The following CHRNB4 variants were observed in gnomAD, a reference collection of about 807,000 sequenced individuals.
The protein encoded by CHRNB4 is neuronal acetylcholine receptor subunit beta-4.
A neutral mutation model predicts 40.4 loss-of-function variants in CHRNB4; 23 were observed. The ratio of observed to expected loss-of-function variants is 0.57; its 90% CI spans 0.41 to 0.81. The LOEUF (loss-of-function observed/expected upper bound fraction) is 0.81, where lower values mean the gene tolerates loss of function less well. CHRNB4 is among the 30% of genes least tolerant of loss of function. CHRNB4 has a pLI of 0.00. For missense variants in CHRNB4, 568 were observed against 670.6 expected (o/e 0.85, Z 1.69); for synonymous variants, 285 against 274.4 (o/e 1.04, Z -0.38).
Position 78,635,542 on chromosome 15 carries a change from A to G in CHRNB4, c.101T>C (p.Leu34Pro). Residue 34 changes from leucine to proline, a missense_variant, in exon 2 of 6, where the codon CTT (leucine) becomes CCT (proline). Transcript: ENST00000261751. ...GTTATTGTAACGGGTTTTGTTCAGA[A>G]GGTCGTCCATCAGCTTTTCCTCCGC... ...ANAEEKLMDD[L>P]LNKTRYNNLI... 6.2e-7 allele frequency: 1 copy of G among 1,614,148 alleles called. No homozygotes were observed. The highest frequency in any genetic ancestry group is 8.5e-7 in the Non-Finnish European group (1 of 1,180,022).
intron 5 of CHRNB4, chr15:78,655,444 ATATCTATATATATC>A (rs2054205747): frequency 7.7e-6 from 1 of 129,520 alleles, no homozygotes; most frequent in Non-Finnish European, 1.8e-5. Flanking sequence ...ATATATATCT[ATATCTATATATATC>A]TATATATCTA....
chr15:78,638,079 G>C (rs190259585), intron 1 of CHRNB4, among the ~76,000 whole-genome samples: 11 of 152,348 alleles, frequency 7.2e-5, no homozygotes, highest in African/African-American at 2.6e-4. Context: ...CAGCTCTGGG[G>C]TCAGAATCTG....
At chr15:78,661,286 G>A, upstream of CHRNB4, 3 of 599,390 alleles carry the variant, frequency 5.0e-6, no homozygotes, top group Non-Finnish European at 9.8e-6. Flanking sequence ...TGCGGCGGCA[G>A]CCCGGCTGGT....
At chr15:78,657,720 T>C (rs1417548649) in intron 2 of CHRNB4, among the ~76,000 whole-genome samples, 1 of 151,698 alleles carries the variant, frequency 6.6e-6, no homozygotes, top group African/African-American at 2.4e-5. Flanking sequence ...CGCCCGGCAA[T>C]TTTTTGTATT....
At position 78,625,190 on chromosome 15, in the gene CHRNB4, C is replaced by A. The variant is rs373085107; in HGVS notation, c.1440G>T (p.Pro480=). 1.9e-6 allele frequency: 3 copies of A among 1,610,456 alleles called. No homozygotes were observed. The African/African-American group carries it at 4.0e-5, about 22-fold the overall frequency. The change falls in exon 6 of 6, where the codon CCG becomes CCT. Residue 480 remains proline, a synonymous_variant. Transcript: ENST00000261751. ...CVLGTVGLFL[P]PLFQTHAASE... ...AAGCTGCATGGGTCTGGAAGAGGGG[C>A]GGTAGGAAGAGCCCCACAGTGCCCA...
chr15:78,630,038 T>G (rs1719600349), intron 4 of CHRNB4, 93 bp from the exon 5 acceptor site: 2 of 1,363,626 alleles, frequency 1.5e-6, no homozygotes, highest in East Asian at 4.9e-5. Context: ...TTGGGATTAT[T>G]TCCCACTAAT....
At chr15:78,640,833 C>G (rs547743725) in intron 1 of CHRNB4, among the ~76,000 whole-genome samples, 1 of 152,214 alleles carries the variant, frequency 6.6e-6, no homozygotes, top group Non-Finnish European at 1.5e-5. Flanking sequence ...GAGGGTGGCC[C>G]TGGCCCTGGC....
intron 2 of CHRNB4, chr15:78,634,659 T>C: frequency 2.2e-6 from 1 of 454,160 alleles, no homozygotes; most frequent in Non-Finnish European, 4.4e-6. Context: ...GTGGTCTCTT[T>C]CCCCTGGCTG....
At chr15:78,634,384 C>G (rs12440014) in intron 2 of CHRNB4, among the ~76,000 whole-genome samples, 41,156 of 152,196 alleles carry the variant, frequency 0.27, 6,230 homozygotes, top group East Asian at 0.45. Context: ...CACTCAGACA[C>G]CAGCCTGAGC....
At chr15:78,661,018 T>C (rs2054248094), upstream of CHRNB4, 8 of 529,276 alleles carry the variant, frequency 1.5e-5, no homozygotes, top group Middle Eastern at 6.4e-4. Flanking sequence ...AAAATCTTTT[T>C]AATAAGAGGG....
chr15:78,640,637 C>T (rs1290962027), intron 1 of CHRNB4, among the ~76,000 whole-genome samples: 1 of 152,236 alleles, frequency 6.6e-6, no homozygotes, highest in Admixed American at 6.5e-5. Context: ...CCTACACCGC[C>T]CAGGTGGCCG....
upstream of CHRNB4, chr15:78,660,833 T>C: frequency 3.2e-6 from 1 of 311,706 alleles, no homozygotes; most frequent in Non-Finnish European, 6.2e-6. Flanking sequence ...GGGTGGGTAA[T>C]TATCTCAGCG....
Position 78,629,422 on chromosome 15 carries a change from T to C in CHRNB4, c.883A>G (p.Ile295Val), listed in dbSNP as rs774360881. 1.2e-6 allele frequency: 2 copies of C among 1,614,026 alleles called. No homozygotes were observed. The highest frequency in any genetic ancestry group is 1.7e-6 in the Non-Finnish European group (2 of 1,180,004). ...VPPTSLDVPL[I>V]GKYLMFTMVL... ...ATGGTGAACATGAGGTACTTGCCGA[T>C]GAGAGGCACATCGAGGGAGGTGGGT... The change falls in exon 5 of 6, where the codon ATC becomes GTC. Residue 295 changes from isoleucine (I) to valine (V), a missense_variant. By Grantham distance (29) the Ile-to-Val change is conservative. Around this residue, in one of 4 missense-constraint regions of CHRNB4, gnomAD observed 38 missense variants for 80.3 expected, o/e 0.47. Coordinates refer to ENST00000261751, the MANE Select transcript of CHRNB4 (RefSeq NM_000750.5). The surrounding 1 kb of genome is among the most constrained non-coding windows in gnomAD (Gnocchi z 6.8).
chr15:78,641,200 C>T lies in CHRNB4; in HGVS notation c.-67G>A. ...GGGGTCACAGGGCACCCGTGAGCCG[C>T]GCGGTCGAGTGAGCGCCGGTCCTGG... On this transcript the variant is annotated 5_prime_UTR_variant, in exon 1 of 6. Coordinates refer to ENST00000261751, the MANE Select transcript of CHRNB4 (RefSeq NM_000750.5). The T allele has an allele frequency of 1.4e-6, 2 of 1,396,508 alleles. No homozygotes were observed. Among genetic ancestry groups the T allele is most frequent in the Non-Finnish European group, 1.9e-6 (2 of 1,066,414 alleles). The allele number at this position is 1,396,508 out of a possible 1,614,324, so 86.5% of individuals were successfully genotyped here. A position where few individuals can be genotyped will look rare whatever the true frequency, so the allele number is the denominator to read the frequency against.
rs765099221 is a variant in CHRNB4 at position 78,629,265 on chromosome 15, A to G, written c.1040T>C (p.Met347Thr). 6.2e-7 allele frequency: 1 copy of G among 1,613,344 alleles called. No individual in the cohort carries two copies. Among genetic ancestry groups the G allele is most frequent in the South Asian group, 1.1e-5 (1 of 91,062 alleles). The change falls in exon 5 of 6, where the codon ATG becomes ACG. Residue 347 changes from methionine to threonine, a missense_variant. Transcript: ENST00000261751. This position sits in a 1 kb window ranked among gnomAD's most constrained non-coding sequence, Gnocchi z 6.8. Reference protein sequence around the residue: ...FLHKLPTFLFMKRPGPDSSPA... With the variant: ...FLHKLPTFLFTKRPGPDSSPA... The stretch of plus-strand genomic sequence containing the variant: ...GCTGCTGTCGGGGCCAGGGCGCTTC[A>G]TGAAGAGGAAGGTAGGCAGCTTGTG...
chr15:78,661,360 C>T (rs2141415531), upstream of CHRNB4: 2 of 544,496 alleles, frequency 3.7e-6, no homozygotes, highest in East Asian at 4.4e-5. Flanking sequence ...CCATTATGGT[C>T]CCCAAGACCA....
chr15:78,638,801 C>G (rs969893930), intron 1 of CHRNB4, among the ~76,000 whole-genome samples: 1 of 152,364 alleles, frequency 6.6e-6, no homozygotes, highest in East Asian at 1.9e-4. Context: ...GGACAAGGAA[C>G]AGGCCTTTCA....
At chr15:78,645,035 G>A (rs143578007), upstream of CHRNB4, among the ~76,000 whole-genome samples, 22 of 152,052 alleles carry the variant, frequency 1.4e-4, no homozygotes, top group African/African-American at 4.8e-4. Flanking sequence ...CCAATTCCCC[G>A]AGACAGTAAG....
In CHRNB4 at chr15:78,635,325, G is replaced by C. The variant is rs1215221831; in HGVS notation, c.204+114C>G. The C allele has an allele frequency of 4.5e-6, 6 of 1,319,888 alleles. No individual in the cohort carries two copies. In the Admixed American group the frequency reaches 1.2e-4, roughly 26 times the overall value. The allele number at this position is 1,319,888 out of a possible 1,614,324, so 81.8% of individuals were successfully genotyped here. A position where few individuals can be genotyped will look rare whatever the true frequency, so the allele number is the denominator to read the frequency against. On this transcript the variant is annotated intron_variant, in intron 2 of 5. Coordinates refer to ENST00000261751, the MANE Select transcript of CHRNB4 (RefSeq NM_000750.5). Reference sequence around the variant, plus strand: ...TTCTGCAGCCTCCCTGACACGTACTGGTAAGTCTAAGTCAACTATAGTAGT... The same window carrying C: ...TTCTGCAGCCTCCCTGACACGTACTCGTAAGTCTAAGTCAACTATAGTAGT...
Sources: allele counts gnomAD v4.1 joint callset (sites outside exome capture counted in the v4.1 genomes callset), GRCh38; gene constraint gnomAD v4.1.1; regional missense constraint gnomAD v4.1.1; non-coding constraint Gnocchi (gnomAD v3.1); transcripts MANE v1.5; gene names NCBI Gene and HGNC (gene_info 2026-07-23, HGNC 2026-07-21).